Variants in KDM4A observed in about 807,000 individuals in gnomAD.
KDM4A encodes the protein lysine demethylase 4A, also known as lysine-specific demethylase 4A.
Under a neutral mutation model 127.1 loss-of-function variants are expected in KDM4A, and 23 were observed. The observed-to-expected ratio is 0.18, with a 90% CI of 0.13 to 0.26. The LOEUF (loss-of-function observed/expected upper bound fraction) is 0.26. Ranked by LOEUF, KDM4A falls within the 10% of genes least tolerant of loss-of-function variation. The pLI, the probability that KDM4A is intolerant of heterozygous loss-of-function variation, is 1.00. For synonymous variants in KDM4A, 443 were observed against 466.5 expected (o/e 0.95, Z 0.65); for missense variants, 890 against 1,329.1 (o/e 0.67, Z 5.14).
Position 43,666,365 on chromosome 1 carries a change from C to T in KDM4A, c.674-87C>T, listed in dbSNP as rs992706187. On this transcript the variant is annotated intron_variant, in intron 6 of 21. Transcript: ENST00000372396. ...TGGTGATGCATCCTCTTTATCATTC[C>T]GATGAGAAGCACAGGTGTGAAGTGA... 16 of 1,032,692 alleles carry T rather than the reference C, an allele frequency of 1.5e-5. No individual in the cohort carries two copies. In the African/African-American group the frequency reaches 1.9e-4, roughly 12 times the overall value. The allele number at this position is 1,032,692 out of a possible 1,614,324, so 64.0% of individuals were successfully genotyped here. A position where few individuals can be genotyped will look rare whatever the true frequency, so the allele number is the denominator to read the frequency against.
intron 11 of KDM4A, among the ~76,000 whole-genome samples, chr1:43,673,475 AG>A (rs1247521540): frequency 1.1e-4 from 16 of 150,790 alleles, no homozygotes; most frequent in African/African-American, 3.7e-4. Flanking sequence ...ACATTTCCCT[AG>A]TGTTGCCAAT....
At chr1:43,689,310 G>A (rs201061752) in intron 13 of KDM4A, among the ~76,000 whole-genome samples, 2 of 152,320 alleles carry the variant, frequency 1.3e-5, no homozygotes, top group East Asian at 3.9e-4. Flanking sequence ...TGAGCTGAGG[G>A]TGGGCTTAGG....
At chr1:43,651,467 A>C (rs1269058433) in intron 1 of KDM4A, among the ~76,000 whole-genome samples, 1 of 152,176 alleles carries the variant, frequency 6.6e-6, no homozygotes, top group African/African-American at 2.4e-5. Context: ...AGCCTAGGAG[A>C]TACGGGTAAC....
intron 1 of KDM4A, among the ~76,000 whole-genome samples, chr1:43,650,887 A>G (rs1404802567): frequency 1.3e-5 from 2 of 152,156 alleles, no homozygotes; most frequent in African/African-American, 4.8e-5. Flanking sequence ...TTGAATCTCT[A>G]GGCTTTGTTA....
intron 5 of KDM4A, among the ~76,000 whole-genome samples, chr1:43,663,331 C>T (rs1357402051): frequency 2.6e-5 from 4 of 152,144 alleles, no homozygotes; most frequent in African/African-American, 9.7e-5. Flanking sequence ...CCCAAAGACA[C>T]GGGGGCTCTT....
chr1:43,670,953 T>A (rs1660604839), intron 10 of KDM4A, among the ~76,000 whole-genome samples: 1 of 151,946 alleles, frequency 6.6e-6, no homozygotes, highest in Admixed American at 6.6e-5. Context: ...AATCCTCCCA[T>A]CTTGGCCTCC....
At position 43,669,259 on chromosome 1, in the gene KDM4A, T is replaced by C. The variant is rs1239144304; in HGVS notation, c.1323T>C (p.His441=). The part of the protein sequence containing the change: ...PAALAPVRPT[H]SSVRQVEDGL... Reference sequence around the variant, plus strand: ...CCCTCGCCCCTGTGAGGCCCACCCATAGCTCTGTGCGGCAAGTTGAGGATG... The same window carrying C: ...CCCTCGCCCCTGTGAGGCCCACCCACAGCTCTGTGCGGCAAGTTGAGGATG... Residue 441 remains histidine, a synonymous_variant, in exon 10 of 22, where the codon CAT becomes CAC. Transcript: ENST00000372396. 3 of 1,614,202 alleles carry C rather than the reference T, an allele frequency of 1.9e-6. No homozygotes were observed. Among genetic ancestry groups the C allele is most frequent in the East Asian group, 2.2e-5 (1 of 44,888 alleles).
In KDM4A at chr1:43,704,802, CGTGT is replaced by C. The variant is rs780374225; in HGVS notation, c.*433_*436del. 5.7e-4 allele frequency: 95 copies of C among 167,504 alleles called. 1 individual carries two copies. The highest frequency in any genetic ancestry group is 7.7e-4 in the Non-Finnish European group (60 of 77,744). 10.4% of individuals were successfully genotyped at this position (167,504 alleles called of 1,614,324 possible). A position where few individuals can be genotyped will look rare whatever the true frequency, so the allele number is the denominator to read the frequency against. On this transcript the variant is annotated 3_prime_UTR_variant, in exon 22 of 22. Transcript: ENST00000372396. ...GTGTGTGTGCGTGCGTGCGTGCGTG[CGTGT>C]ATGTTTGGTCTGGACCAGCTTCTGC... is the stretch of plus-strand genomic sequence containing the variant.
At chr1:43,653,350 T>C (rs749668901) in intron 2 of KDM4A, 37 bp downstream of exon 2, 1 of 1,577,168 alleles carries the variant, frequency 6.3e-7, no homozygotes, top group Non-Finnish European at 8.6e-7. Context: ...TTTTGTTACC[T>C]AGGGCAGAGC....
Position 43,703,625 on chromosome 1 carries a change from CTG to C in KDM4A, c.2852_2853del (p.Cys951SerfsTer8). The C allele has an allele frequency of 6.2e-7, 1 of 1,614,032 alleles. No homozygotes were observed. The highest frequency in any genetic ancestry group is 8.5e-7 in the Non-Finnish European group (1 of 1,179,948). ...LYPEDIVSQD[C>X]LQFGPPAEGE... ...CCTTCCTGTTTCCTCAGAGCCAGGACTGTCTCCAGTTTGGTCCTCCTGCTGAA... is the reference window on the plus strand; with the variant it reads ...CCTTCCTGTTTCCTCAGAGCCAGGACTCTCCAGTTTGGTCCTCCTGCTGAA... On this transcript the variant is annotated frameshift_variant, in exon 20 of 22. Coordinates refer to ENST00000372396, the MANE Select transcript of KDM4A (RefSeq NM_014663.3). LOFTEE classifies it high-confidence loss of function.
Position 43,694,665 on chromosome 1 carries a change from G to A in KDM4A, c.2485-44G>A. ...GAGGGGAACAACAGAGGAAGCTGCA[G>A]TGCCAGTTCCTGCAATCACTGGTTT... is the stretch of plus-strand genomic sequence containing the variant. On this transcript the variant is annotated intron_variant, in intron 17 of 21. Coordinates refer to ENST00000372396, the MANE Select transcript of KDM4A (RefSeq NM_014663.3). The surrounding 1 kb of genome is among the most constrained non-coding windows in gnomAD (Gnocchi z 5.2). 1 of 1,538,642 alleles carries A rather than the reference G, an allele frequency of 6.5e-7. No homozygotes were observed. The highest frequency in any genetic ancestry group is 1.1e-5 in the South Asian group (1 of 87,046).
intron 19 of KDM4A, among the ~76,000 whole-genome samples, chr1:43,700,474 C>T (rs1489985664): frequency 6.6e-6 from 1 of 151,990 alleles, no homozygotes; most frequent in Non-Finnish European, 1.5e-5. Flanking sequence ...TTATTATTCT[C>T]TGATATCCAC....
intron 18 of KDM4A, among the ~76,000 whole-genome samples, chr1:43,697,271 A>T (rs1021425421): frequency 1.3e-5 from 2 of 152,200 alleles, no homozygotes; most frequent in African/African-American, 4.8e-5. Flanking sequence ...ATACTTTGTG[A>T]TCCTGTTTGC....
chr1:43,688,783 C>T lies in KDM4A; in HGVS notation c.1856-131C>T, dbSNP rs939352909. Reference sequence around the variant, plus strand: ...TGCTTCCACCCTTTGCCTTTATCATCCTTAGGAATTCAGGAGTCACCCTTG... The same window carrying T: ...TGCTTCCACCCTTTGCCTTTATCATTCTTAGGAATTCAGGAGTCACCCTTG... On this transcript the variant is annotated intron_variant, in intron 12 of 21. Coordinates refer to ENST00000372396, the MANE Select transcript of KDM4A (RefSeq NM_014663.3). This position sits in a 1 kb window ranked among gnomAD's most constrained non-coding sequence, Gnocchi z 4.4. 2 of 738,880 alleles carry T rather than the reference C, an allele frequency of 2.7e-6. No individual in the cohort carries two copies. Among genetic ancestry groups the T allele is most frequent in the Admixed American group, 2.9e-5 (1 of 35,072 alleles). The allele number at this position is 738,880 out of a possible 1,614,324, so 45.8% of individuals were successfully genotyped here.
intron 11 of KDM4A, among the ~76,000 whole-genome samples, chr1:43,680,346 G>A (rs1412315109): frequency 6.6e-6 from 1 of 152,116 alleles, no homozygotes; most frequent in East Asian, 1.9e-4. Flanking sequence ...GAGGTGCTGT[G>A]AATATACTGA....
chr1:43,660,532 T>A (rs1266382271), intron 4 of KDM4A, 120 bp downstream of exon 4: 1 of 1,392,660 alleles, frequency 7.2e-7, no homozygotes, highest in Non-Finnish European at 9.6e-7. Flanking sequence ...GAACAGATGA[T>A]CTACCCCCAG....
At chr1:43,673,698 T>C (rs1660678129) in intron 11 of KDM4A, among the ~76,000 whole-genome samples, 1 of 152,210 alleles carries the variant, frequency 6.6e-6, no homozygotes, top group South Asian at 2.1e-4. Flanking sequence ...TGCCTTCTTA[T>C]GGCAGCTTCC....
At chr1:43,662,855 G>A in intron 4 of KDM4A, 39 bp from the exon 5 acceptor site, 1 of 1,550,860 alleles carries the variant, frequency 6.4e-7, no homozygotes, top group Non-Finnish European at 8.8e-7. Context: ...CGGTTTCTAT[G>A]CAAATGTAAC....
At chr1:43,692,126 G>A in intron 15 of KDM4A, 130 bp from the exon 16 acceptor site, 3 of 839,946 alleles carry the variant, frequency 3.6e-6, no homozygotes, top group South Asian at 2.8e-5. Context: ...GGCTGCCTGG[G>A]TGAAGCCCCA....
Sources: gnomAD v4.1 joint callset for allele counts (sites outside exome capture counted in the v4.1 genomes callset) on GRCh38, gnomAD v4.1.1 for gene constraint, Gnocchi (gnomAD v3.1) non-coding constraint, MANE v1.5 for transcripts, NCBI Gene and HGNC (gene_info 2026-07-23, HGNC 2026-07-21) for gene names.